The following CDC42BPA variants were observed in gnomAD, a reference collection of about 807,000 sequenced individuals.
CDC42BPA encodes serine/threonine-protein kinase MRCK alpha.
In CDC42BPA, 80 loss-of-function variants were observed where a neutral mutation model predicts 223.5. The observed-to-expected ratio is 0.36, with a 90% CI of 0.30 to 0.43. The LOEUF (loss-of-function observed/expected upper bound fraction) is 0.43, where lower values mean the gene tolerates loss of function less well. Among genes scored for constraint, CDC42BPA ranks in the 20% least tolerant of loss-of-function variants. CDC42BPA has a pLI of 1.00. For missense variants in CDC42BPA, 1,743 were observed against 2,099.9 expected (o/e 0.83, Z 3.32); for synonymous variants, 694 against 718.6 (o/e 0.97, Z 0.55).
intron 7 of CDC42BPA, 122 bp from the exon 8 acceptor site, chr1:227,145,859 G>T: frequency 1.4e-6 from 1 of 730,906 alleles, no homozygotes; most frequent in Non-Finnish European, 2.1e-6. Context: ...CTGCATGTTG[G>T]TGCAAAGTAC....
chr1:227,239,161 A>G (rs1172679358), intron 2 of CDC42BPA, among the ~76,000 whole-genome samples: 1 of 152,210 alleles, frequency 6.6e-6, no homozygotes, highest in Non-Finnish European at 1.5e-5. Context: ...TACTGAGAAA[A>G]GCCAATCTGA....
intron 1 of CDC42BPA, among the ~76,000 whole-genome samples, chr1:227,277,684 G>T (rs1262912850): frequency 1.3e-5 from 2 of 152,152 alleles, no homozygotes; most frequent in Non-Finnish European, 2.9e-5. Context: ...ATAAAATTCT[G>T]TAACAGTTTT....
intron 2 of CDC42BPA, among the ~76,000 whole-genome samples, chr1:227,223,217 A>G (rs1001585754): frequency 6.6e-6 from 1 of 152,116 alleles, no homozygotes; most frequent in African/African-American, 2.4e-5. Context: ...TGAGGATGGG[A>G]TAGTTTGGGA....
At chr1:227,294,753 G>A (rs1026596301) in intron 1 of CDC42BPA, among the ~76,000 whole-genome samples, 2 of 114,598 alleles carry the variant, frequency 1.7e-5, no homozygotes, top group Non-Finnish European at 3.6e-5. Flanking sequence ...CCAGCTACTC[G>A]GGAGGCTGAG....
At chr1:227,149,436 A>G (rs896094585) in intron 6 of CDC42BPA, among the ~76,000 whole-genome samples, 1 of 152,188 alleles carries the variant, frequency 6.6e-6, no homozygotes, top group Admixed American at 6.5e-5. Context: ...TGAACTCACA[A>G]TCCAATAATA....
chr1:227,111,378 T>C (rs1019825587), intron 14 of CDC42BPA, among the ~76,000 whole-genome samples: 3 of 152,248 alleles, frequency 2.0e-5, no homozygotes, highest in Non-Finnish European at 2.9e-5. Context: ...AATACTATTA[T>C]ACTAACAGTT....
chr1:227,084,594 C>A (rs1222315513), intron 16 of CDC42BPA, among the ~76,000 whole-genome samples: 8 of 151,146 alleles, frequency 5.3e-5, no homozygotes, highest in Admixed American at 5.3e-4. Flanking sequence ...TTCAGAGCTA[C>A]ATTTTTTTCT....
At chr1:227,127,831 T>C (rs1656155646) in intron 11 of CDC42BPA, among the ~76,000 whole-genome samples, 1 of 152,198 alleles carries the variant, frequency 6.6e-6, no homozygotes. Flanking sequence ...AATATGGCAT[T>C]TTAAATAGTC....
At chr1:227,275,655 G>A (rs577429147) in intron 1 of CDC42BPA, among the ~76,000 whole-genome samples, 17 of 143,464 alleles carry the variant, frequency 1.2e-4, no homozygotes, top group East Asian at 2.4e-4. Flanking sequence ...GATGCCAAGC[G>A]GAGGCTGGAC....
Position 227,016,068 on chromosome 1 carries a change from A to C in CDC42BPA, c.4857+12T>G. On this transcript the variant is annotated intron_variant, in intron 34 of 36. Coordinates refer to ENST00000366766, the MANE Select transcript of CDC42BPA (RefSeq NM_001394014.1). ...CCCGCCCTTTTTTACACTCACTCTTAATTCCTCTTACCATGGGCAGATCTT... is the reference window on the plus strand; with the variant it reads ...CCCGCCCTTTTTTACACTCACTCTTCATTCCTCTTACCATGGGCAGATCTT... 1 of 1,432,934 alleles carries C rather than the reference A, an allele frequency of 7.0e-7. No homozygotes were observed. Among genetic ancestry groups the C allele is most frequent in the South Asian group, 1.1e-5 (1 of 87,030 alleles). 88.8% of individuals were successfully genotyped at this position (1,432,934 alleles called of 1,614,324 possible). A position where few individuals can be genotyped will look rare whatever the true frequency, so the allele number is the denominator to read the frequency against.
chr1:227,200,743 A>C (rs6690326), intron 3 of CDC42BPA, among the ~76,000 whole-genome samples: 103,006 of 151,972 alleles, frequency 0.68, 35,170 homozygotes, highest in South Asian at 0.73. Flanking sequence ...ATGCTAAATG[A>C]AAATTTCAAC....
Position 227,026,038 on chromosome 1 carries a change from T to C in CDC42BPA, c.4530+17A>G, listed in dbSNP as rs757472248. 1.1e-5 allele frequency: 16 copies of C among 1,436,218 alleles called. No individual in the cohort carries two copies. The highest frequency in any genetic ancestry group is 8.2e-5 in the South Asian group (7 of 85,626). 89.0% of individuals were successfully genotyped at this position (1,436,218 alleles called of 1,614,324 possible). ...TTATACTCAGTTGGCTTAGCCCACA[T>C]TTTAATGTTAAATTACCTTTTTGAG... On this transcript the variant is annotated intron_variant, in intron 31 of 36. Transcript: ENST00000366766.
At chr1:227,305,290 C>T (rs1335576279) in intron 1 of CDC42BPA, among the ~76,000 whole-genome samples, 1 of 152,108 alleles carries the variant, frequency 6.6e-6, no homozygotes, top group Non-Finnish European at 1.5e-5. Context: ...TGCCTGTAAT[C>T]CCAGCACTTT....
At chr1:227,246,608 C>A (rs960669054) in intron 2 of CDC42BPA, among the ~76,000 whole-genome samples, 1 of 152,064 alleles carries the variant, frequency 6.6e-6, no homozygotes, top group Non-Finnish European at 1.5e-5. Context: ...ACTTTTGGAT[C>A]TTATCCAAGA....
intron 2 of CDC42BPA, among the ~76,000 whole-genome samples, chr1:227,232,208 C>T (rs950926933): frequency 1.3e-4 from 20 of 152,094 alleles, no homozygotes; most frequent in Non-Finnish European, 2.6e-4. Context: ...TATGGCTAGC[C>T]GGTTTTCCCA....
At chr1:227,277,488 C>T (rs897197345) in intron 1 of CDC42BPA, among the ~76,000 whole-genome samples, 4 of 152,144 alleles carry the variant, frequency 2.6e-5, no homozygotes, top group East Asian at 3.9e-4. Flanking sequence ...AAACATAATC[C>T]AAAAAATATC....
intron 1 of CDC42BPA, among the ~76,000 whole-genome samples, chr1:227,268,655 T>TATATATAC (rs1685451920): frequency 6.8e-6 from 1 of 146,788 alleles, no homozygotes; most frequent in Non-Finnish European, 1.5e-5. Flanking sequence ...TGTGTGTGTA[T>TATATATAC]ATATATATAT....
intron 17 of CDC42BPA, among the ~76,000 whole-genome samples, chr1:227,075,499 C>T (rs999911547): frequency 3.9e-4 from 59 of 152,140 alleles, no homozygotes; most frequent in Middle Eastern, 6.8e-3. Context: ...TATGGAGATG[C>T]AATAAAACCA....
intron 1 of CDC42BPA, among the ~76,000 whole-genome samples, chr1:227,272,480 A>G (rs1194223600): frequency 6.6e-6 from 1 of 152,220 alleles, no homozygotes; most frequent in Non-Finnish European, 1.5e-5. Context: ...TGGGGGAAAT[A>G]TATGTAATCT....
Sources: gnomAD v4.1 joint callset for allele counts (sites outside exome capture counted in the v4.1 genomes callset) on GRCh38, gnomAD v4.1.1 for gene constraint, MANE v1.5 for transcripts, NCBI Gene and HGNC (gene_info 2026-07-23, HGNC 2026-07-21) for gene names.